The following PCTP variants were observed in gnomAD, a reference collection of about 807,000 sequenced individuals.
PCTP encodes the protein START domain-containing protein 2.
In PCTP, 27 loss-of-function variants were observed where a neutral mutation model predicts 31.0. The observed-to-expected ratio is 0.87, with a 90% CI of 0.64 to 1.20. The LOEUF (loss-of-function observed/expected upper bound fraction) is 1.20. PCTP is among the 50% of genes most tolerant of loss of function. The probability of loss-of-function intolerance (pLI) is 0.00; values close to 1 mark genes in which losing one functional copy is unlikely to be tolerated. For synonymous variants in PCTP, 108 were observed against 101.2 expected (o/e 1.07, Z -0.40); for missense variants, 287 against 268.2 (o/e 1.07, Z -0.49).
chr17:55,774,517 C>T (rs1465444519), intron 4 of PCTP, among the ~76,000 whole-genome samples: 1 of 152,062 alleles, frequency 6.6e-6, no homozygotes, highest in East Asian at 1.9e-4. Flanking sequence ...CTTAGGATTG[C>T]TAGAATAATT....
rs1178698009 is a variant in PCTP, at chr17:55,776,774, A to G, written c.*674A>G. 1.3e-5 allele frequency: 15 copies of G among 1,122,874 alleles called. No homozygotes were observed. Among genetic ancestry groups the G allele is most frequent in the African/African-American group, 1.6e-5 (1 of 61,826 alleles). The allele number at this position is 1,122,874 out of a possible 1,614,324, so 69.6% of individuals were successfully genotyped here. A position where few individuals can be genotyped will look rare whatever the true frequency, so the allele number is the denominator to read the frequency against. On this transcript the variant is annotated 3_prime_UTR_variant, in exon 6 of 6. Transcript: ENST00000268896. ...AAGTATCAGAGGCCTGACCGGACAC[A>G]TAATATGACAACCACATTTTTCCTC...
Position 55,773,775 on chromosome 17 carries a change from C to G in PCTP, c.391C>G (p.His131Asp), listed in dbSNP as rs1404220972. The G allele has an allele frequency of 6.2e-7, 1 of 1,613,914 alleles. No homozygotes were observed. Residue 131 changes from histidine (H) to aspartate (D), a missense_variant, in exon 4 of 6, where the codon CAT becomes GAT. By Grantham distance (81) the His-to-Asp change is moderately conservative. Coordinates refer to ENST00000268896, the MANE Select transcript of PCTP (RefSeq NM_021213.4). ...RDLDMEGRKI[H>D]VILARSTSMP... ...CCTGGACATGGAAGGGAGGAAGATC[C>G]ATGTGATCCTGGCCCGGAGCACCTC...
At chr17:55,785,207 A>C (rs1444099439) in intron 2 of PCTP, among the ~76,000 whole-genome samples, 1 of 152,228 alleles carries the variant, frequency 6.6e-6, no homozygotes, top group Admixed American at 6.5e-5. Flanking sequence ...GCTTTCTCTC[A>C]TGAAGCAAGT....
intron 3 of PCTP, among the ~76,000 whole-genome samples, chr17:55,793,432 C>T (rs756942878): frequency 6.6e-6 from 1 of 152,090 alleles, no homozygotes; most frequent in South Asian, 2.1e-4. Context: ...CTCCACTTAA[C>T]ACACTCTTCA....
At chr17:55,762,978 A>G (rs1206079976) in intron 1 of PCTP, among the ~76,000 whole-genome samples, 1 of 152,220 alleles carries the variant, frequency 6.6e-6, no homozygotes, top group African/African-American at 2.4e-5. Flanking sequence ...ATTGTAGGAA[A>G]CTAAATGTCT....
At chr17:55,809,910 G>A (rs1912694530) in intron 3 of PCTP, among the ~76,000 whole-genome samples, 1 of 152,186 alleles carries the variant, frequency 6.6e-6, no homozygotes, top group Admixed American at 6.5e-5. Context: ...GTTTAGCTCT[G>A]TAAAAACATT....
intron 3 of PCTP, among the ~76,000 whole-genome samples, chr17:55,820,024 T>C (rs979765658): frequency 2.0e-5 from 3 of 152,128 alleles, no homozygotes; most frequent in African/African-American, 7.2e-5. Context: ...TAACTCAAAA[T>C]AGATCAAAGA....
intron 1 of PCTP, among the ~76,000 whole-genome samples, chr17:55,757,510 GTA>G (rs567722530): frequency 1.3e-5 from 2 of 148,506 alleles, no homozygotes; most frequent in East Asian, 2.1e-4. Flanking sequence ...TACTATATGT[GTA>G]TATATATACA....
chr17:55,771,576 C>T (rs1393605319), intron 3 of PCTP, among the ~76,000 whole-genome samples: 1 of 152,180 alleles, frequency 6.6e-6, no homozygotes, highest in Non-Finnish European at 1.5e-5. Context: ...GACAGAGGCA[C>T]ATAGGTGGTT....
chr17:55,774,018 GC>G (rs1307310226), intron 4 of PCTP, 123 bp downstream of exon 4: 1 of 1,184,784 alleles, frequency 8.4e-7, no homozygotes. Context: ...AGGCAAAGCT[GC>G]AGAGCAAACC....
intron 1 of PCTP, among the ~76,000 whole-genome samples, chr17:55,762,651 T>C (rs570643277): frequency 6.6e-6 from 1 of 152,294 alleles, no homozygotes; most frequent in African/African-American, 2.4e-5. Flanking sequence ...TTTGCTGTCA[T>C]TGATTTAGCA....
At chr17:55,761,937 A>C (rs948734696) in intron 1 of PCTP, among the ~76,000 whole-genome samples, 1 of 152,162 alleles carries the variant, frequency 6.6e-6, no homozygotes, top group Non-Finnish European at 1.5e-5. Context: ...GGACTTGGTA[A>C]GGAGAGACTT....
At chr17:55,786,773 T>G (rs982655550) in intron 2 of PCTP, among the ~76,000 whole-genome samples, 14 of 152,190 alleles carry the variant, frequency 9.2e-5, no homozygotes, top group Non-Finnish European at 1.8e-4. Context: ...CAAGTTTAAC[T>G]TTCTGCTTAT....
rs192448898 is a variant in PCTP at position 55,832,376 on chromosome 17, G to A, written n.505+9449G>A. Among the ~76,000 whole-genome samples, 1,185 of 152,284 alleles carry A rather than the reference G, an allele frequency of 7.8e-3. 18 individuals are homozygous for A. Among genetic ancestry groups the A allele is most frequent in the Middle Eastern group, 0.024 (7 of 294 alleles). ...TCTAAAATGGCTACTGCCTCAGGAC[G>A]TTTGAAGGGGGAAAAGAAGAAGAGA... On this transcript the variant is annotated intron_variant and non_coding_transcript_variant, in intron 5 of 5. Coordinates refer to the PCTP transcript ENST00000576221.
Position 55,776,704 on chromosome 17 carries a change from A to G in PCTP, c.*604A>G, listed in dbSNP as rs564510346. 2.3e-5 allele frequency: 28 copies of G among 1,209,644 alleles called. No individual in the cohort carries two copies. The Admixed American group carries it at 7.4e-4, about 32-fold the overall frequency. 74.9% of individuals were successfully genotyped at this position (1,209,644 alleles called of 1,614,324 possible). On this transcript the variant is annotated 3_prime_UTR_variant, in exon 6 of 6. Coordinates refer to ENST00000268896, the MANE Select transcript of PCTP (RefSeq NM_021213.4). ...ATCCAGTAAGTCTTTCCTCGTTCCT[A>G]CTTGTGGAGGATCAGTAGCTGTTAT...
intron 5 of PCTP, chr17:55,775,532 T>C (rs1911281622): frequency 8.5e-7 from 1 of 1,178,432 alleles, no homozygotes; most frequent in Non-Finnish European, 1.1e-6. Flanking sequence ...ATGCATTTCT[T>C]CCTTTTTAAA....
At chr17:55,752,496 A>G (rs1352240039) in intron 1 of PCTP, among the ~76,000 whole-genome samples, 1 of 152,248 alleles carries the variant, frequency 6.6e-6, no homozygotes, top group Non-Finnish European at 1.5e-5. Flanking sequence ...TGCCAAGGTC[A>G]AGAAACCCTA....
At chr17:55,811,500 C>T (rs1598011786) in intron 3 of PCTP, among the ~76,000 whole-genome samples, 1 of 152,186 alleles carries the variant, frequency 6.6e-6, no homozygotes, top group Non-Finnish European at 1.5e-5. Context: ...TCACCCAGAA[C>T]AATTTCTCAT....
chr17:55,751,332 A>G, intron 1 of PCTP, 88 bp downstream of exon 1: 1 of 1,516,824 alleles, frequency 6.6e-7, no homozygotes, highest in Non-Finnish European at 8.8e-7. Flanking sequence ...CAGTCGCGGA[A>G]GGGACAGGGG....
Sources: gnomAD v4.1 joint callset for allele counts (sites outside exome capture counted in the v4.1 genomes callset) on GRCh38, gnomAD v4.1.1 for gene constraint, MANE v1.5 for transcripts, NCBI Gene and HGNC (gene_info 2026-07-23, HGNC 2026-07-21) for gene names.